KCNQ1: variants seen among roughly 807,000 people sequenced by gnomAD.
KCNQ1 encodes potassium voltage-gated channel subfamily KQT member 1.
Under a neutral mutation model 72.4 loss-of-function variants are expected in KCNQ1, and 49 were observed. That is an observed-to-expected ratio of 0.68 (90% CI 0.54 to 0.86). KCNQ1 has a LOEUF of 0.86. Ranked by LOEUF, KCNQ1 falls within the 40% of genes least tolerant of loss-of-function variation. The pLI, the probability that KCNQ1 is intolerant of heterozygous loss-of-function variation, is 0.00. For missense variants in KCNQ1, 790 were observed against 945.1 expected (o/e 0.84, Z 2.15); for synonymous variants, 450 against 412.6 (o/e 1.09, Z -1.10).
At chr11:2,469,263 G>GTTTTTT (rs113964559) in intron 1 of KCNQ1, among the ~76,000 whole-genome samples, 1 of 145,674 alleles carries the variant, frequency 6.9e-6, no homozygotes, top group Non-Finnish European at 1.5e-5. Context: ...GAATTCAAGA[G>GTTTTTT]TTTTTTTTTT....
Position 2,601,852 on chromosome 11 carries a change from C to A in KCNQ1, c.1393+12998C>A, listed in dbSNP as rs1023590909. Among the ~76,000 whole-genome samples, 1 of 152,138 alleles carries A rather than the reference C, an allele frequency of 6.6e-6. No homozygotes were observed. The highest frequency in any genetic ancestry group is 1.5e-5 in the Non-Finnish European group (1 of 68,030). ...ACATGTGGGTCATTCCCAGTTTGGGCTATTACAAATCAGAGTAGGCTGAAC... is the reference window on the plus strand; with the variant it reads ...ACATGTGGGTCATTCCCAGTTTGGGATATTACAAATCAGAGTAGGCTGAAC... On this transcript the variant is annotated intron_variant, in intron 10 of 15. Transcript: ENST00000155840. This position sits in a 1 kb window ranked among gnomAD's most constrained non-coding sequence, Gnocchi z 5.2.
chr11:2,844,331 G>C (rs1019608349), intron 15 of KCNQ1, among the ~76,000 whole-genome samples: 3 of 152,180 alleles, frequency 2.0e-5, no homozygotes, highest in Non-Finnish European at 4.4e-5. Context: ...CCCACATCCT[G>C]GCCCACCCCC....
chr11:2,586,337 G>C (rs1016046681), intron 8 of KCNQ1, among the ~76,000 whole-genome samples: 2 of 152,218 alleles, frequency 1.3e-5, no homozygotes, highest in Non-Finnish European at 1.5e-5. Flanking sequence ...CCATCGGGGG[G>C]GCTGTGTGCT....
At chr11:2,643,238 G>A (rs898962208) in intron 10 of KCNQ1, 3 of 398,124 alleles carry the variant, frequency 7.5e-6, no homozygotes, top group African/African-American at 6.2e-5. Context: ...TAGATGATCT[G>A]TCTAATACTG....
intron 15 of KCNQ1, among the ~76,000 whole-genome samples, chr11:2,814,623 C>CAAGGAAGGAAGGAAGGAAGGAAGG (rs3079081): frequency 8.4e-5 from 12 of 142,546 alleles, no homozygotes; most frequent in African/African-American, 2.3e-4. Flanking sequence ...TGGAAGGAGA[C>CAAGGAAGGAAGGAAGGAAGGAAGG]AAGGAAGGAA....
chr11:2,845,211 G>A lies in KCNQ1; in HGVS notation c.1795-2556G>A, dbSNP rs371524041. Among the ~76,000 whole-genome samples, 57 of 143,044 alleles carry A rather than the reference G, an allele frequency of 4.0e-4. No homozygotes were observed. In the East Asian group the frequency reaches 7.8e-3, roughly 20 times the overall value. 93.8% of individuals were successfully genotyped at this position (143,044 alleles called of 152,430 possible). A position where few individuals can be genotyped will look rare whatever the true frequency, so the allele number is the denominator to read the frequency against. On this transcript the variant is annotated intron_variant, in intron 15 of 15. Coordinates refer to ENST00000155840, the MANE Select transcript of KCNQ1 (RefSeq NM_000218.3). ...GGCCGGTCCCCCTCCCAGAGGCCCC[G>A]CCCCACCCTGCCCTCTGCTTTCGCC... is the stretch of plus-strand genomic sequence containing the variant.
Position 2,647,325 on chromosome 11 carries a change from C to A in KCNQ1, c.1394-14636C>A. 2.5e-6 allele frequency: 1 copy of A among 398,368 alleles called. No homozygotes were observed. The highest frequency in any genetic ancestry group is 1.3e-4 in the South Asian group (1 of 7,816). The allele number at this position is 398,368 out of a possible 1,614,324, so 24.7% of individuals were successfully genotyped here. ...CATCCTTGAATCCCTGGGATAAATC[C>A]CACTTGATTATGGTGTATTATCTTT... On this transcript the variant is annotated intron_variant, in intron 10 of 15. Coordinates refer to ENST00000155840, the MANE Select transcript of KCNQ1 (RefSeq NM_000218.3). The surrounding 1 kb of genome is among the most constrained non-coding windows in gnomAD (Gnocchi z 4.0).
rs74392867 is a variant in KCNQ1 at position 2,516,518 on chromosome 11, G to A, written c.387-11410G>A. 0.055 allele frequency among the ~76,000 whole-genome samples: 8,414 copies of A among 152,134 alleles called. 291 individuals carry two copies. Among genetic ancestry groups the A allele is most frequent in the South Asian group, 0.097 (466 of 4,804 alleles). ...AGCCTTTGAGATGGACAGGGAGCTG[G>A]ACCTTCCCAATTCGGTTGCCCTTGC... is the stretch of plus-strand genomic sequence containing the variant. On this transcript the variant is annotated intron_variant, in intron 1 of 15. Transcript: ENST00000155840. This position sits in a 1 kb window ranked among gnomAD's most constrained non-coding sequence, Gnocchi z 7.0.
chr11:2,652,476 C>A lies in KCNQ1; in HGVS notation c.1394-9485C>A. On this transcript the variant is annotated intron_variant, in intron 10 of 15. Coordinates refer to ENST00000155840, the MANE Select transcript of KCNQ1 (RefSeq NM_000218.3). The surrounding 1 kb of genome is among the most constrained non-coding windows in gnomAD (Gnocchi z 5.9). ...CCATCCAAAGACCTCCAGAAACTTT[C>A]CTCCCCACCTCTCCAGAGGTTTCTG... 2.5e-6 allele frequency: 1 copy of A among 398,626 alleles called. No homozygotes were observed. Among genetic ancestry groups the A allele is most frequent in the East Asian group, 3.6e-5 (1 of 28,078 alleles). 24.7% of individuals were successfully genotyped at this position (398,626 alleles called of 1,614,324 possible).
intron 2 of KCNQ1, among the ~76,000 whole-genome samples, chr11:2,532,689 G>A (rs912066246): frequency 2.0e-5 from 3 of 152,162 alleles, no homozygotes; most frequent in Admixed American, 6.5e-5. Flanking sequence ...TGCTGGCGGG[G>A]CAGGCAGGGA....
intron 1 of KCNQ1, among the ~76,000 whole-genome samples, chr11:2,452,051 C>T (rs1846125344): frequency 6.6e-6 from 1 of 152,186 alleles, no homozygotes; most frequent in Non-Finnish European, 1.5e-5. Context: ...TTGGTCTGTG[C>T]CTGCGTCCTG....
intron 11 of KCNQ1, among the ~76,000 whole-genome samples, chr11:2,740,779 C>T (rs1025951762): frequency 6.6e-6 from 1 of 152,254 alleles, no homozygotes; most frequent in Non-Finnish European, 1.5e-5. Context: ...GGCTGCGGCT[C>T]ATGGCATCCT....
intron 11 of KCNQ1, among the ~76,000 whole-genome samples, chr11:2,717,529 C>T (rs925883762): frequency 1.3e-5 from 2 of 152,282 alleles, no homozygotes; most frequent in African/African-American, 4.8e-5. Flanking sequence ...ATGAAAGTGC[C>T]TCTGCCCCAC....
At chr11:2,615,218 G>A (rs1849041822) in intron 10 of KCNQ1, 1 of 397,964 alleles carries the variant, frequency 2.5e-6, no homozygotes, top group Non-Finnish European at 4.4e-6. Context: ...GTATATAGAG[G>A]CACAAATGAT....
rs1850036132 is a variant in KCNQ1, at chr11:2,664,885, A to G, written c.1514+2804A>G. 2.5e-6 allele frequency: 1 copy of G among 398,516 alleles called. No homozygotes were observed. Among genetic ancestry groups the G allele is most frequent in the African/African-American group, 2.1e-5 (1 of 48,624 alleles). 24.7% of individuals were successfully genotyped at this position (398,516 alleles called of 1,614,324 possible). A position where few individuals can be genotyped will look rare whatever the true frequency, so the allele number is the denominator to read the frequency against. On this transcript the variant is annotated intron_variant, in intron 11 of 15. Transcript: ENST00000155840. This position sits in a 1 kb window ranked among gnomAD's most constrained non-coding sequence, Gnocchi z 5.1. ...AGAATTCAAATTAAAAACATAAATA[A>G]AGACACATTTTGTTTCCATCTCGAG...
Position 2,848,538 on chromosome 11 carries a change from C to G in KCNQ1, c.*535C>G, listed in dbSNP as rs1486854696. 1 of 454,516 alleles carries G rather than the reference C, an allele frequency of 2.2e-6. No homozygotes were observed. Among genetic ancestry groups the G allele is most frequent in the Non-Finnish European group, 4.4e-6 (1 of 227,086 alleles). 28.2% of individuals were successfully genotyped at this position (454,516 alleles called of 1,614,324 possible). A position where few individuals can be genotyped will look rare whatever the true frequency, so the allele number is the denominator to read the frequency against. ...AGGGCCTGGGCCTGGCTCCCTCACT[C>G]TCAGGAAATGCTGACCCATGGGCAG... On this transcript the variant is annotated 3_prime_UTR_variant, in exon 16 of 16. Transcript: ENST00000155840.
Position 2,613,349 on chromosome 11 carries a change from A to G in KCNQ1, c.1393+24495A>G. 2.5e-6 allele frequency: 1 copy of G among 398,616 alleles called. No homozygotes were observed. Among genetic ancestry groups the G allele is most frequent in the Non-Finnish European group, 4.4e-6 (1 of 226,074 alleles). The allele number at this position is 398,616 out of a possible 1,614,324, so 24.7% of individuals were successfully genotyped here. A position where few individuals can be genotyped will look rare whatever the true frequency, so the allele number is the denominator to read the frequency against. ...TTCTTAATCTGTCGCTTGCCCAACC[A>G]GTATTGAAACATTAGGTTGCTGTGA... is the stretch of plus-strand genomic sequence containing the variant. On this transcript the variant is annotated intron_variant, in intron 10 of 15. Coordinates refer to ENST00000155840, the MANE Select transcript of KCNQ1 (RefSeq NM_000218.3). This position sits in a 1 kb window ranked among gnomAD's most constrained non-coding sequence, Gnocchi z 4.8.
At chr11:2,532,377 G>A in intron 2 of KCNQ1, among the ~76,000 whole-genome samples, 1 of 152,200 alleles carries the variant, frequency 6.6e-6, no homozygotes, top group East Asian at 1.9e-4. Flanking sequence ...CCTGCGTGAT[G>A]GAGACACCCT....
Position 2,682,539 on chromosome 11 carries a change from C to A in KCNQ1, c.1514+20458C>A. ...GCCCAGGTCAAACCAGGTGCTAGGA[C>A]CCTGGCAGGGGTTCCATAAGGCTAT... On this transcript the variant is annotated intron_variant, in intron 11 of 15. Transcript: ENST00000155840. This position sits in a 1 kb window ranked among gnomAD's most constrained non-coding sequence, Gnocchi z 5.8. 2.5e-6 allele frequency: 1 copy of A among 398,282 alleles called. No individual in the cohort carries two copies. Among genetic ancestry groups the A allele is most frequent in the Non-Finnish European group, 4.4e-6 (1 of 226,042 alleles). The allele number at this position is 398,282 out of a possible 1,614,324, so 24.7% of individuals were successfully genotyped here. A position where few individuals can be genotyped will look rare whatever the true frequency, so the allele number is the denominator to read the frequency against.
Sources: allele counts gnomAD v4.1 joint callset (sites outside exome capture counted in the v4.1 genomes callset), GRCh38; gene constraint gnomAD v4.1.1; non-coding constraint Gnocchi (gnomAD v3.1); transcripts MANE v1.5; gene names NCBI Gene and HGNC (gene_info 2026-07-23, HGNC 2026-07-21).